AMBRA1: variants seen among roughly 807,000 people sequenced by gnomAD.
AMBRA1 encodes activating molecule in BECN1-regulated autophagy protein 1.
In AMBRA1, 47 loss-of-function variants were observed where a neutral mutation model predicts 125.4. That is an observed-to-expected ratio of 0.37 (90% CI 0.30 to 0.48). The LOEUF (loss-of-function observed/expected upper bound fraction) is 0.48, where lower values mean the gene tolerates loss of function less well. Among genes scored for constraint, AMBRA1 ranks in the 20% least tolerant of loss-of-function variants. The probability of loss-of-function intolerance (pLI) is 0.99; values close to 1 mark genes in which losing one functional copy is unlikely to be tolerated. For missense variants in AMBRA1, 1,331 were observed against 1,693.4 expected (o/e 0.79, Z 3.76); for synonymous variants, 626 against 655.5 (o/e 0.95, Z 0.69).
intron 1 of AMBRA1, among the ~76,000 whole-genome samples, chr11:46,573,797 C>T (rs2043855730): frequency 6.7e-6 from 1 of 148,284 alleles, no homozygotes; most frequent in Admixed American, 6.7e-5. Flanking sequence ...GGTATACCTC[C>T]CAATGCTATC....
At chr11:46,585,172 C>T (rs1034959426) in intron 1 of AMBRA1, among the ~76,000 whole-genome samples, 2 of 152,042 alleles carry the variant, frequency 1.3e-5, no homozygotes, top group Non-Finnish European at 2.9e-5. Flanking sequence ...TAAGAGTCAT[C>T]ACCACTCCCT....
chr11:46,493,934 GCAC>G, intron 10 of AMBRA1, 187 bp downstream of exon 10: 1 of 657,812 alleles, frequency 1.5e-6, no homozygotes, highest in Non-Finnish European at 2.6e-6. Flanking sequence ...GATTCTCCCA[GCAC>G]CACTTTTTCA....
chr11:46,555,141 C>A (rs554182360), intron 1 of AMBRA1, among the ~76,000 whole-genome samples: 1 of 152,154 alleles, frequency 6.6e-6, no homozygotes, highest in Non-Finnish European at 1.5e-5. Context: ...CACACATACT[C>A]CCACTCCCAA....
rs115226706 is a variant in AMBRA1 at position 46,556,465 on chromosome 11, T to C, written c.-120-7965A>G. On this transcript the variant is annotated intron_variant, in intron 1 of 17. Coordinates refer to ENST00000683756, the MANE Select transcript of AMBRA1 (RefSeq NM_001387011.1). ...AACTATTCCCTGAATTGTGTATCTA[T>C]TGTGTGCAAAAGATATCCAAGGATA... Among the ~76,000 whole-genome samples, 759 of 152,306 alleles carry C rather than the reference T, an allele frequency of 5.0e-3. 3 individuals carry two copies. Among genetic ancestry groups the C allele is most frequent in the African/African-American group, 0.017 (726 of 41,568 alleles).
chr11:46,569,723 G>T (rs548338948), intron 1 of AMBRA1, among the ~76,000 whole-genome samples: 158 of 152,080 alleles, frequency 1.0e-3, no homozygotes, highest in African/African-American at 3.8e-3. Context: ...TTCGAGACCA[G>T]CCTGGCCAAC....
chr11:46,501,000 G>T (rs534949220), intron 9 of AMBRA1, among the ~76,000 whole-genome samples: 1 of 152,130 alleles, frequency 6.6e-6, no homozygotes, highest in Non-Finnish European at 1.5e-5. Flanking sequence ...TGCAAGGCAC[G>T]CAAGACAAAG....
chr11:46,481,832 T>C (rs1178552825), intron 11 of AMBRA1, among the ~76,000 whole-genome samples: 1 of 152,232 alleles, frequency 6.6e-6, no homozygotes, highest in Admixed American at 6.5e-5. Context: ...AAATACTTCA[T>C]CTCTTTTAGC....
chr11:46,573,609 C>A (rs979206515), intron 1 of AMBRA1, among the ~76,000 whole-genome samples: 3 of 151,366 alleles, frequency 2.0e-5, no homozygotes, highest in African/African-American at 7.3e-5. Context: ...TTTATGATTC[C>A]TCAAATGAGT....
At chr11:46,491,979 G>T (rs757336175) in intron 11 of AMBRA1, among the ~76,000 whole-genome samples, 1 of 152,236 alleles carries the variant, frequency 6.6e-6, no homozygotes, top group East Asian at 1.9e-4. Context: ...TGCTGTATGG[G>T]GTGGTGGAGG....
At chr11:46,539,313 T>C (rs1952627274) in intron 7 of AMBRA1, among the ~76,000 whole-genome samples, 1 of 152,176 alleles carries the variant, frequency 6.6e-6, no homozygotes, top group Middle Eastern at 3.2e-3. Flanking sequence ...ATCCCAGCAC[T>C]TTGGGAGGCC....
At chr11:46,404,202 AAAAT>A (rs1945894501) in intron 17 of AMBRA1, among the ~76,000 whole-genome samples, 1 of 152,212 alleles carries the variant, frequency 6.6e-6, no homozygotes, top group African/African-American at 2.4e-5. Flanking sequence ...AAATAAAAAC[AAAAT>A]AAATAAATCT....
chr11:46,580,247 T>C (rs902743303), intron 1 of AMBRA1, among the ~76,000 whole-genome samples: 3 of 152,222 alleles, frequency 2.0e-5, no homozygotes, highest in African/African-American at 7.2e-5. Context: ...CTTGAATTCC[T>C]TGGAGTGTGG....
At position 46,397,355 on chromosome 11, in the gene AMBRA1, G is replaced by C; in HGVS notation, c.*95C>G. 7.2e-7 allele frequency: 1 copy of C among 1,393,106 alleles called. No individual in the cohort carries two copies. Among genetic ancestry groups the C allele is most frequent in the Admixed American group, 2.6e-5 (1 of 37,874 alleles). The allele number at this position is 1,393,106 out of a possible 1,614,324, so 86.3% of individuals were successfully genotyped here. ...CTTCCTCCTCCTGTTCCCTGATGCA[G>C]CCAGCAGCTCTTCCACATGTCCAGT... is the stretch of plus-strand genomic sequence containing the variant. On this transcript the variant is annotated 3_prime_UTR_variant, in exon 18 of 18. Transcript: ENST00000683756.
At position 46,408,532 on chromosome 11, in the gene AMBRA1, G is replaced by A. The variant is rs377292527; in HGVS notation, c.3384C>T (p.Ala1128=). 4.1e-5 allele frequency: 65 copies of A among 1,573,250 alleles called. No homozygotes were observed. In the African/African-American group the frequency reaches 6.0e-4, roughly 14 times the overall value. ...TCCTACCTTCACCAGGACCTGAGGC[G>A]GCTGTCCCTGGCTCCGGCACCTCCC... ...TEREVPEPGT[A]ASGPGEGEGS... Residue 1128 remains alanine (A), a synonymous_variant, in exon 17 of 18, where the codon GCC becomes GCT. Transcript: ENST00000683756.
At chr11:46,482,827 A>G (rs901946866) in intron 11 of AMBRA1, among the ~76,000 whole-genome samples, 8 of 151,966 alleles carry the variant, frequency 5.3e-5, no homozygotes, top group Non-Finnish European at 1.2e-4. Flanking sequence ...TGGCCAACAC[A>G]GTGAAACCCC....
intron 7 of AMBRA1, among the ~76,000 whole-genome samples, chr11:46,515,742 C>A (rs959946066): frequency 5.9e-5 from 9 of 152,156 alleles, no homozygotes; most frequent in Non-Finnish European, 1.0e-4. Context: ...GTGGCGCAAT[C>A]TTGGCTCACT....
In AMBRA1 at chr11:46,467,403, G is replaced by A. The variant is rs567888794; in HGVS notation, c.2522-23805C>T. On this transcript the variant is annotated intron_variant, in intron 11 of 17. Transcript: ENST00000683756. ...AATACAGGAATAGTATAATAAATTCGTATTTCCTTTCACATGCAATTTTGT... is the reference window on the plus strand; with the variant it reads ...AATACAGGAATAGTATAATAAATTCATATTTCCTTTCACATGCAATTTTGT... 1.4e-4 allele frequency among the ~76,000 whole-genome samples: 21 copies of A among 152,042 alleles called. No individual in the cohort carries two copies. In the South Asian group the frequency reaches 2.7e-3, roughly 20 times the overall value.
chr11:46,506,573 A>G lies in AMBRA1; in HGVS notation c.2339+1618T>C, dbSNP rs183199896. On this transcript the variant is annotated intron_variant, in intron 9 of 17. Coordinates refer to ENST00000683756, the MANE Select transcript of AMBRA1 (RefSeq NM_001387011.1). ...GAAGAAAGCTGAGGGGGAGATGAGA[A>G]CTCTTAAGGCCCCAGACCTGACCCG... 7.2e-5 allele frequency among the ~76,000 whole-genome samples: 11 copies of G among 152,102 alleles called. No individual in the cohort carries two copies. The East Asian group carries it at 2.1e-3, about 29-fold the overall frequency.
chr11:46,465,358 C>T (rs1287198314), intron 11 of AMBRA1, among the ~76,000 whole-genome samples: 35 of 152,216 alleles, frequency 2.3e-4, no homozygotes, highest in Admixed American at 2.3e-3. Context: ...ACTATCCTTT[C>T]AACGGCAATC....
Sources: gnomAD v4.1 joint callset for allele counts (sites outside exome capture counted in the v4.1 genomes callset) on GRCh38, gnomAD v4.1.1 for gene constraint, MANE v1.5 for transcripts, NCBI Gene and HGNC (gene_info 2026-07-23, HGNC 2026-07-21) for gene names.